NFS1: variants seen among roughly 807,000 people sequenced by gnomAD.
The protein encoded by NFS1 is NFS1 cysteine desulfurase, also known as cysteine desulfurase.
NFS1 carries 26 observed loss-of-function variants against 57.3 expected under a neutral mutation model. The observed-to-expected ratio is 0.45, with a 90% CI of 0.33 to 0.63. The LOEUF is 0.63. Ranked by LOEUF, NFS1 falls within the 20% of genes least tolerant of loss-of-function variation. The pLI is 0.02. For missense variants in NFS1, 505 were observed against 605.8 expected (o/e 0.83, Z 1.75); for synonymous variants, 209 against 216.3 (o/e 0.97, Z 0.30).
intron 7 of NFS1, among the ~76,000 whole-genome samples, chr20:35,676,591 A>T (rs1308085209): frequency 6.6e-6 from 1 of 151,934 alleles, no homozygotes; most frequent in Non-Finnish European, 1.5e-5. Flanking sequence ...TCTAAAAAAA[A>T]AAAGATGTAC....
intron 4 of NFS1, among the ~76,000 whole-genome samples, chr20:35,696,094 G>A (rs1252976775): frequency 6.6e-6 from 1 of 151,754 alleles, no homozygotes; most frequent in African/African-American, 2.4e-5. Context: ...ACTCTCTGAA[G>A]TAACTGCCAG....
chr20:35,669,821 C>T, intron 12 of NFS1, 136 bp from the exon 13 acceptor site: 1 of 758,914 alleles, frequency 1.3e-6, no homozygotes, highest in African/African-American at 1.7e-5. Flanking sequence ...TAGACCCTAA[C>T]ACAGGTGGTT....
intron 10 of NFS1, 121 bp downstream of exon 10, chr20:35,674,229 A>G (rs2034701596): frequency 1.2e-6 from 1 of 831,506 alleles, no homozygotes; most frequent in African/African-American, 1.7e-5. Flanking sequence ...CACTTACAAA[A>G]TGACCTTTAC....
At chr20:35,673,878 G>T in intron 10 of NFS1, 194 bp from the exon 11 acceptor site, 1 of 524,366 alleles carries the variant, frequency 1.9e-6, no homozygotes, top group Non-Finnish European at 3.4e-6. Context: ...TAGCTCCTCT[G>T]GCCCCCATGG....
chr20:35,692,796 GT>G (rs2035067499), intron 4 of NFS1, among the ~76,000 whole-genome samples: 1 of 152,062 alleles, frequency 6.6e-6, no homozygotes, highest in African/African-American at 2.4e-5. Context: ...GAGGTCAGAA[GT>G]TTGAGACCAG....
At chr20:35,684,948 C>T (rs922585290) in intron 5 of NFS1, among the ~76,000 whole-genome samples, 7 of 150,690 alleles carry the variant, frequency 4.6e-5, no homozygotes, top group African/African-American at 9.8e-5. Flanking sequence ...AGTGCAGTGG[C>T]GGGGTCTCAC....
chr20:35,694,759 G>A (rs970769531), intron 4 of NFS1: 1 of 152,050 alleles, frequency 6.6e-6, no homozygotes, highest in Non-Finnish European at 1.5e-5. Flanking sequence ...TGTGGTGGAG[G>A]GCGCCTGTAG....
In NFS1 at chr20:35,674,492, T is replaced by C. The variant is rs1274753368; in HGVS notation, c.1054+20A>G. ...GTCTCAGCCTCTACCAGAATGAGGA[T>C]AGAAAGAGCAAGTCCATACCGGGAT... On this transcript the variant is annotated intron_variant, in intron 9 of 12. Coordinates refer to ENST00000374092, the MANE Select transcript of NFS1 (RefSeq NM_021100.5). 7.4e-6 allele frequency: 12 copies of C among 1,612,486 alleles called. No individual in the cohort carries two copies. The South Asian group carries it at 8.8e-5, about 12-fold the overall frequency.
rs1254770348 is a variant in NFS1, at chr20:35,670,774, C to T, written c.1311-1089G>A. Among the ~76,000 whole-genome samples, 5 of 152,154 alleles carry T rather than the reference C, an allele frequency of 3.3e-5. No homozygotes were observed. In the East Asian group the frequency reaches 5.8e-4, roughly 18 times the overall value. ...TCAGTAGAAATGCCTTGTGAGTATA[C>T]CACAGAATACCAGAAAGTGAGGACA... is the stretch of plus-strand genomic sequence containing the variant. On this transcript the variant is annotated intron_variant, in intron 12 of 12. Transcript: ENST00000374092.
chr20:35,695,721 T>C (rs1172445172), intron 4 of NFS1, among the ~76,000 whole-genome samples: 1 of 152,046 alleles, frequency 6.6e-6, no homozygotes, highest in Non-Finnish European at 1.5e-5. Context: ...TGAAATCACA[T>C]ATATAACTTG....
At chr20:35,698,146 C>G (rs1348411692) in intron 2 of NFS1, among the ~76,000 whole-genome samples, 1 of 152,220 alleles carries the variant, frequency 6.6e-6, no homozygotes, top group African/African-American at 2.4e-5. Flanking sequence ...CACCCCTGGT[C>G]ACACATTGGT....
intron 7 of NFS1, among the ~76,000 whole-genome samples, chr20:35,676,519 C>G: frequency 1.3e-5 from 2 of 150,204 alleles, no homozygotes; most frequent in African/African-American, 4.9e-5. Flanking sequence ...TTGGGAGCCA[C>G]AGGTTGCAGT....
intron 4 of NFS1, chr20:35,692,135 G>A (rs1488730487): frequency 2.8e-5 from 5 of 175,682 alleles, no homozygotes; most frequent in Middle Eastern, 2.6e-3. Flanking sequence ...GCAGTGAGCC[G>A]AGGTCACGCC....
intron 5 of NFS1, among the ~76,000 whole-genome samples, chr20:35,684,654 G>A (rs1375873519): frequency 1.3e-5 from 2 of 151,086 alleles, no homozygotes; most frequent in African/African-American, 4.9e-5. Flanking sequence ...GGAGGCTGAG[G>A]CAGGAGAATC....
chr20:35,697,256 G>A (rs760783843), intron 3 of NFS1, among the ~76,000 whole-genome samples: 2 of 151,104 alleles, frequency 1.3e-5, no homozygotes, highest in South Asian at 2.1e-4. Context: ...AAGATCGTGC[G>A]CCACTGCACT....
intron 8 of NFS1, 120 bp from the exon 9 acceptor site, chr20:35,674,737 G>A: frequency 2.5e-6 from 2 of 796,376 alleles, no homozygotes; most frequent in Non-Finnish European, 4.2e-6. Flanking sequence ...ATCATCCTAT[G>A]TACTCATGGG....
At chr20:35,675,232 G>T in intron 7 of NFS1, 30 bp from the exon 8 acceptor site, 1 of 1,562,202 alleles carries the variant, frequency 6.4e-7, no homozygotes, top group Non-Finnish European at 8.7e-7. Flanking sequence ...ACAAAAAACA[G>T]AAAGAGAGAA....
chr20:35,686,317 T>A (rs1601529223), intron 5 of NFS1, among the ~76,000 whole-genome samples: 1 of 126,890 alleles, frequency 7.9e-6, no homozygotes, highest in Non-Finnish European at 1.6e-5. Context: ...GCCATTGCAC[T>A]CCAGCCTGGG....
chr20:35,683,284 C>T (rs1050589820), intron 5 of NFS1, among the ~76,000 whole-genome samples: 30 of 151,524 alleles, frequency 2.0e-4, no homozygotes, highest in African/African-American at 7.0e-4. Flanking sequence ...AAGTTCAAGA[C>T]CAGCCTGGCC....
Sources: gnomAD v4.1 joint callset for allele counts (sites outside exome capture counted in the v4.1 genomes callset) on GRCh38, gnomAD v4.1.1 for gene constraint, MANE v1.5 for transcripts, NCBI Gene and HGNC (gene_info 2026-07-23, HGNC 2026-07-21) for gene names.